The following OAS3 variants were observed in gnomAD, a reference collection of about 807,000 sequenced individuals.
The protein encoded by OAS3 is 2'-5'-oligoadenylate synthase 3.
Under a neutral mutation model 113.0 loss-of-function variants are expected in OAS3, and 107 were observed. The ratio of observed to expected loss-of-function variants is 0.95; its 90% CI spans 0.81 to 1.11. The LOEUF is 1.11. OAS3 is among the 50% of genes most tolerant of loss of function. The pLI is 0.00. For synonymous variants in OAS3, 552 were observed against 573.6 expected (o/e 0.96, Z 0.54); for missense variants, 1,258 against 1,389.1 (o/e 0.91, Z 1.50).
intron 6 of OAS3, chr12:112,950,449 G>C (rs1254963280): frequency 1.8e-6 from 1 of 542,548 alleles, no homozygotes; most frequent in Non-Finnish European, 3.3e-6. Flanking sequence ...TGTTGCTGCA[G>C]TTTGGTCTGA....
intron 14 of OAS3, 110 bp from the exon 15 acceptor site, chr12:112,969,498 C>T: frequency 1.5e-6 from 2 of 1,309,522 alleles, no homozygotes; most frequent in South Asian, 1.3e-5. Context: ...TGAGCCCTGG[C>T]TCTAGCCCCT....
intron 3 of OAS3, among the ~76,000 whole-genome samples, chr12:112,945,993 AAATT>A (rs1261107406): frequency 3.9e-5 from 6 of 152,100 alleles, no homozygotes; most frequent in African/African-American, 1.2e-4. Flanking sequence ...CTCTGTCTAT[AAATT>A]AATTAATTAA....
At position 112,969,558 on chromosome 12, in the gene OAS3, G is replaced by A. The variant is rs752132063; in HGVS notation, c.3105-50G>A. On this transcript the variant is annotated intron_variant, in intron 14 of 15. Transcript: ENST00000228928. ...AATAGTCCAACCAGTGCCACAGGTG[G>A]ACACCTAGATGTTGCCAGGAATAAG... 3.2e-6 allele frequency: 5 copies of A among 1,565,108 alleles called. 1 individual carries two copies. In the South Asian group the frequency reaches 5.9e-5, roughly 18 times the overall value.
chr12:112,952,042 T>G (rs1361206790), intron 7 of OAS3, among the ~76,000 whole-genome samples: 1 of 152,082 alleles, frequency 6.6e-6, no homozygotes, highest in African/African-American at 2.4e-5. Context: ...CAGACTTCTA[T>G]ATAGGTCCTT....
In OAS3 at chr12:112,964,221, G is replaced by A; in HGVS notation, c.2230-14G>A. The stretch of plus-strand genomic sequence containing the variant: ...TCCCGTCTCAAGCTGGCCCCACCTG[G>A]ATTCTCTCTGCAGCCAGCCCTCCTT... On this transcript the variant is annotated splice_polypyrimidine_tract_variant and intron_variant, in intron 10 of 15. Transcript: ENST00000228928. 3 of 1,571,882 alleles carry A rather than the reference G, an allele frequency of 1.9e-6. No individual in the cohort carries two copies. Among genetic ancestry groups the A allele is most frequent in the Non-Finnish European group, 2.6e-6 (3 of 1,158,226 alleles).
intron 4 of OAS3, 122 bp downstream of exon 4, chr12:112,947,103 A>G: frequency 1.4e-6 from 1 of 717,892 alleles, no homozygotes. Flanking sequence ...AAAATGCTAC[A>G]TGTACATGTT....
chr12:112,961,647 G>A (rs1199360883), intron 8 of OAS3, among the ~76,000 whole-genome samples: 1 of 152,132 alleles, frequency 6.6e-6, no homozygotes, highest in African/African-American at 2.4e-5. Flanking sequence ...TATGGTAAGG[G>A]CCTGTCCAAG....
rs372426187 is a variant in OAS3 at position 112,968,087 on chromosome 12, G to A, written c.3017G>A (p.Arg1006His). ...RTVLELVTQY[R>H]QLCIYWTINY... is the part of the protein sequence containing the mutation. Reference sequence around the variant, plus strand: ...GTCCTGGAGCTGGTCACCCAGTACCGCCAGCTCTGTATCTACTGGACCATC... The same window carrying A: ...GTCCTGGAGCTGGTCACCCAGTACCACCAGCTCTGTATCTACTGGACCATC... The change falls in exon 14 of 16, where the codon CGC (arginine) becomes CAC (histidine). Residue 1006 changes from arginine (R) to histidine (H), a missense_variant. Transcript: ENST00000228928. 2.6e-5 allele frequency: 42 copies of A among 1,613,780 alleles called. No individual in the cohort carries two copies. Among genetic ancestry groups the A allele is most frequent in the Non-Finnish European group, 3.4e-5 (40 of 1,179,872 alleles).
At chr12:112,938,743 G>GGGCAAA (rs2136340974) in intron 1 of OAS3, 36 bp downstream of exon 1, 1 of 1,471,408 alleles carries the variant, frequency 6.8e-7, no homozygotes, top group South Asian at 1.3e-5. Flanking sequence ...TGTGTCCAAA[G>GGGCAAA]GGGAGTCCTG....
At position 112,948,042 on chromosome 12, in the gene OAS3, T is replaced by C. The variant is rs2043749425; in HGVS notation, c.972T>C (p.Tyr324=). The change falls in exon 5 of 16, where the codon TAT becomes TAC. Residue 324 remains tyrosine (Y), a synonymous_variant. Coordinates refer to ENST00000228928, the MANE Select transcript of OAS3 (RefSeq NM_006187.4). The stretch of plus-strand genomic sequence containing the variant: ...TAGCCCAGGAGGCAGCATCCTGCTA[T>C]GACCACCCATGCTTTCTGAGGGGGA... The part of the protein sequence containing the change: ...DLLAQEAASC[Y]DHPCFLRGMG... The C allele has an allele frequency of 4.4e-6, 7 of 1,593,944 alleles. No individual in the cohort carries two copies. Among genetic ancestry groups the C allele is most frequent in the Non-Finnish European group, 6.0e-6 (7 of 1,169,668 alleles).
chr12:112,962,624 C>T, intron 8 of OAS3, 28 bp from the exon 9 acceptor site: 1 of 1,607,288 alleles, frequency 6.2e-7, no homozygotes, highest in Non-Finnish European at 8.5e-7. Context: ...ACTAATCACT[C>T]ATCTTTGGTT....
intron 7 of OAS3, among the ~76,000 whole-genome samples, chr12:112,957,068 A>C (rs568367459): frequency 6.6e-6 from 1 of 152,324 alleles, no homozygotes; most frequent in Non-Finnish European, 1.5e-5. Flanking sequence ...TTCTTGTTGA[A>C]TTGATCCCTT....
chr12:112,958,230 C>T (rs1462987185), intron 7 of OAS3, among the ~76,000 whole-genome samples: 2 of 152,204 alleles, frequency 1.3e-5, no homozygotes, highest in Admixed American at 6.5e-5. Context: ...TCTAGTTAGC[C>T]ATTCGTTTAA....
rs768500059 is a variant in OAS3 at position 112,938,688 on chromosome 12, G to C, written c.158G>C (p.Arg53Pro). Residue 53 changes from arginine (R) to proline (P), a missense_variant, in exon 1 of 16, where the codon CGG becomes CCG. Transcript: ENST00000228928. ...GGCCGCCTCGGTGCTGCTGCCCCGC[G>C]GGTGCTGAAAACTGTCAAGGTGAGG... ...RGGRLGAAAP[R>P]VLKTVKGGSS... is the part of the protein sequence containing the mutation. 89 of 1,570,604 alleles carry C rather than the reference G, an allele frequency of 5.7e-5. No homozygotes were observed. The highest frequency in any genetic ancestry group is 1.2e-5 in the South Asian group (1 of 86,464).
intron 12 of OAS3, 66 bp from the exon 13 acceptor site, chr12:112,967,352 T>G: frequency 1.4e-6 from 2 of 1,474,622 alleles, no homozygotes; most frequent in Non-Finnish European, 1.8e-6. Context: ...CAGAAGTCCT[T>G]TCTAAGTTGG....
Position 112,970,308 on chromosome 12 carries a change from T to C in OAS3, c.*335T>C. ...CCAGCTGAGAATGCCCCCTCCTCCC[T>C]GACTCCTCTCTGCCCATGCAAATTA... On this transcript the variant is annotated 3_prime_UTR_variant, in exon 16 of 16. Coordinates refer to ENST00000228928, the MANE Select transcript of OAS3 (RefSeq NM_006187.4). 1 of 405,618 alleles carries C rather than the reference T, an allele frequency of 2.5e-6. No individual in the cohort carries two copies. The highest frequency in any genetic ancestry group is 2.9e-5 in the South Asian group (1 of 33,916). The allele number at this position is 405,618 out of a possible 1,614,324, so 25.1% of individuals were successfully genotyped here.
rs2043759007 is a variant in OAS3, at chr12:112,948,878, A to G, written c.1047A>G (p.Gly349=). Residue 349 remains glycine (G), a synonymous_variant, in exon 6 of 16, where the codon GGA becomes GGG. Coordinates refer to ENST00000228928, the MANE Select transcript of OAS3 (RefSeq NM_006187.4). The part of the protein sequence containing the change: ...SWKGPGLPRA[G]CSGLGHPIQL... The stretch of plus-strand genomic sequence containing the variant: ...CCTTCCAGGGCCTTCCACGTGCTGG[A>G]TGCTCAGGTTTGGGCCACCCCATCC... 6.3e-7 allele frequency: 1 copy of G among 1,581,340 alleles called. No individual in the cohort carries two copies. Among genetic ancestry groups the G allele is most frequent in the South Asian group, 1.1e-5 (1 of 86,994 alleles).
chr12:112,950,283 T>C (rs2043776862), intron 6 of OAS3, among the ~76,000 whole-genome samples: 1 of 152,116 alleles, frequency 6.6e-6, no homozygotes, highest in Non-Finnish European at 1.5e-5. Context: ...AGGGAGGGAA[T>C]TGATGGAAAC....
At chr12:112,946,707 CT>C (rs767555214) in intron 3 of OAS3, 35 bp from the exon 4 acceptor site, 63 of 1,551,496 alleles carry the variant, frequency 4.1e-5, no homozygotes, top group Non-Finnish European at 5.4e-5. Flanking sequence ...TCCTCCCCTT[CT>C]TCCTTCTGAG....
Sources: allele counts gnomAD v4.1 joint callset (sites outside exome capture counted in the v4.1 genomes callset), GRCh38; gene constraint gnomAD v4.1.1; transcripts MANE v1.5; gene names NCBI Gene and HGNC (gene_info 2026-07-23, HGNC 2026-07-21).